Variants in AFF4 observed in about 807,000 individuals in gnomAD.
The protein encoded by AFF4 is ALF transcription elongation factor 4, also known as AF4/FMR2 family member 4.
A neutral mutation model predicts 124.8 loss-of-function variants in AFF4; 13 were observed. The observed-to-expected ratio is 0.10, with a 90% CI of 0.07 to 0.17. The LOEUF is 0.17. Among genes scored for constraint, AFF4 ranks in the 10% least tolerant of loss-of-function variants. The probability of loss-of-function intolerance (pLI) is 1.00; values close to 1 mark genes in which losing one functional copy is unlikely to be tolerated. For synonymous variants in AFF4, 477 were observed against 496.1 expected (o/e 0.96, Z 0.51); for missense variants, 1,092 against 1,403.8 (o/e 0.78, Z 3.55).
Position 132,927,110 on chromosome 5 carries a change from T to C in AFF4, c.1050+11A>G. 3 of 1,606,540 alleles carry C rather than the reference T, an allele frequency of 1.9e-6. No homozygotes were observed. The highest frequency in any genetic ancestry group is 2.6e-6 in the Non-Finnish European group (3 of 1,174,922). ...TTCTTACATTATGAAAGATACATTT[T>C]ATTTACTTACCTTAGTTGGAAAAGG... On this transcript the variant is annotated intron_variant, in intron 5 of 20. Coordinates refer to ENST00000265343, the MANE Select transcript of AFF4 (RefSeq NM_014423.4).
intron 1 of AFF4, among the ~76,000 whole-genome samples, chr5:132,961,698 T>A (rs1762085490): frequency 6.6e-6 from 1 of 152,186 alleles, no homozygotes; most frequent in South Asian, 2.1e-4. Flanking sequence ...GTAGATCATG[T>A]TCCAATTAAC....
intron 11 of AFF4, among the ~76,000 whole-genome samples, chr5:132,895,728 G>GT (rs1442867565): frequency 6.6e-6 from 1 of 152,152 alleles, no homozygotes; most frequent in African/African-American, 2.4e-5. Context: ...ACAGACATGC[G>GT]TGAGTTTTCA....
In AFF4 at chr5:132,896,545, A is replaced by T. The variant is rs1217452263; in HGVS notation, c.2085T>A (p.Pro695=). The stretch of plus-strand genomic sequence containing the variant: ...GTGAAAGAAGTTCCTTCTCTTCCAT[A>T]GGAGAGAACATTCGTTGCCGAAAAA... ...DSFFRQRMFS[P]MEEKELLSPL... is the part of the protein sequence containing the mutation. Residue 695 remains proline, a synonymous_variant, in exon 11 of 21, where the codon CCT becomes CCA. Coordinates refer to ENST00000265343, the MANE Select transcript of AFF4 (RefSeq NM_014423.4). The T allele has an allele frequency of 3.7e-6, 6 of 1,613,960 alleles. No individual in the cohort carries two copies. The African/African-American group carries it at 6.7e-5, about 18-fold the overall frequency.
At chr5:132,910,639 A>T (rs555928620) in intron 5 of AFF4, among the ~76,000 whole-genome samples, 24 of 152,014 alleles carry the variant, frequency 1.6e-4, no homozygotes, top group Admixed American at 1.4e-3. Flanking sequence ...ATCGGTAAGA[A>T]GCAACCCACC....
chr5:132,930,947 A>C lies in AFF4; in HGVS notation c.963+1231T>G, dbSNP rs1761284550. Among the ~76,000 whole-genome samples, 2 of 150,466 alleles carry C rather than the reference A, an allele frequency of 1.3e-5. 1 individual carries two copies. Among genetic ancestry groups the C allele is most frequent in the African/African-American group, 4.9e-5 (2 of 41,040 alleles). ...CCTATCTCTACTAAAAAAAAAAAAA[A>C]AAAAAAAAAATTAGCCAGGCATGGT... On this transcript the variant is annotated intron_variant, in intron 4 of 20. Coordinates refer to ENST00000265343, the MANE Select transcript of AFF4 (RefSeq NM_014423.4).
intron 5 of AFF4, among the ~76,000 whole-genome samples, chr5:132,910,689 A>T (rs1760775342): frequency 6.6e-6 from 1 of 152,198 alleles, no homozygotes; most frequent in Non-Finnish European, 1.5e-5. Flanking sequence ...TCTCACAAAC[A>T]CCAAAATCTA....
chr5:132,955,941 A>G (rs187097902), intron 1 of AFF4, among the ~76,000 whole-genome samples: 56 of 144,662 alleles, frequency 3.9e-4, no homozygotes, highest in African/African-American at 1.2e-3. Context: ...ATACTATACT[A>G]TATAGTATAG....
intron 1 of AFF4, among the ~76,000 whole-genome samples, chr5:132,938,269 CTT>C (rs780241930): frequency 1.2e-4 from 17 of 143,444 alleles, no homozygotes; most frequent in Non-Finnish European, 9.2e-5. Flanking sequence ...GTATTATACT[CTT>C]TTTTTTTTTT....
intron 19 of AFF4, among the ~76,000 whole-genome samples, 193 bp from the exon 20 acceptor site, chr5:132,883,753 T>A (rs1294289805): frequency 6.6e-6 from 1 of 152,238 alleles, no homozygotes; most frequent in Non-Finnish European, 1.5e-5. Context: ...TATCTTAGAA[T>A]CTGTAGCCTT....
At chr5:132,924,129 C>T (rs1224242344) in intron 5 of AFF4, among the ~76,000 whole-genome samples, 3 of 152,102 alleles carry the variant, frequency 2.0e-5, no homozygotes, top group Admixed American at 1.3e-4. Context: ...TGGTGCATGC[C>T]TGTAATCCCA....
chr5:132,905,649 A>AAAAAC lies in AFF4; in HGVS notation c.1051-1250_1051-1246dup, dbSNP rs554118687. On this transcript the variant is annotated intron_variant, in intron 5 of 20. Transcript: ENST00000265343. ...CTGGGCCTTTATATCACATCATATT[A>AAAAAC]AAAACAAAACAAAACAAAACAAAAA... Among the ~76,000 whole-genome samples, 836 of 152,332 alleles carry AAAAAC rather than the reference A, an allele frequency of 5.5e-3. 4 individuals carry two copies. The highest frequency in any genetic ancestry group is 0.027 in the Middle Eastern group (8 of 294).
chr5:132,912,273 T>G (rs1581295808), intron 5 of AFF4, among the ~76,000 whole-genome samples: 1 of 149,296 alleles, frequency 6.7e-6, no homozygotes, highest in Middle Eastern at 3.5e-3. Flanking sequence ...ACCAGGGAGG[T>G]GGAGGTTGCA....
intron 5 of AFF4, among the ~76,000 whole-genome samples, chr5:132,920,260 G>C (rs1761011903): frequency 1.3e-5 from 2 of 152,022 alleles, no homozygotes; most frequent in Admixed American, 1.3e-4. Context: ...ATGTTGGCCA[G>C]GCTGGTCTCG....
At chr5:132,954,186 G>A (rs1761902080) in intron 1 of AFF4, among the ~76,000 whole-genome samples, 1 of 152,186 alleles carries the variant, frequency 6.6e-6, no homozygotes. Flanking sequence ...GGATGGACAG[G>A]GGTTGCGGGG....
In AFF4 at chr5:132,889,179, CA is replaced by C. The variant is rs758066687; in HGVS notation, c.2638-7del. The C allele has an allele frequency of 1.6e-5, 25 of 1,590,672 alleles. No individual in the cohort carries two copies. Among genetic ancestry groups the C allele is most frequent in the Non-Finnish European group, 2.0e-5 (23 of 1,161,634 alleles). ...GAGCTACTTGGAGCCTTTTCCTGACCAAAAAAATATATAACTACAATGAAAA... is the reference window on the plus strand; with the variant it reads ...GAGCTACTTGGAGCCTTTTCCTGACCAAAAAATATATAACTACAATGAAAA... On this transcript the variant is annotated splice_polypyrimidine_tract_variant and splice_region_variant and intron_variant, in intron 13 of 20. Coordinates refer to ENST00000265343, the MANE Select transcript of AFF4 (RefSeq NM_014423.4).
intron 7 of AFF4, 63 bp from the exon 8 acceptor site, chr5:132,899,704 A>G: frequency 4.3e-6 from 6 of 1,400,558 alleles, no homozygotes; most frequent in Non-Finnish European, 5.9e-6. Context: ...CCAGAGTACT[A>G]AATATCTACT....
At chr5:132,956,633 GAA>G (rs745801334) in intron 1 of AFF4, among the ~76,000 whole-genome samples, 3 of 94,576 alleles carry the variant, frequency 3.2e-5, no homozygotes, top group Non-Finnish European at 2.4e-5. Flanking sequence ...CTCCATCTCA[GAA>G]AAAAAAAAAA....
chr5:132,963,187 A>C (rs1308008108), intron 1 of AFF4, 72 bp downstream of exon 1: 100 of 381,780 alleles, frequency 2.6e-4, no homozygotes, highest in Non-Finnish European at 3.7e-4. Context: ...GCGGGCCCCC[A>C]CCCCCACCCG....
At chr5:132,930,631 C>CA (rs1168803489) in intron 4 of AFF4, among the ~76,000 whole-genome samples, 1 of 149,494 alleles carries the variant, frequency 6.7e-6, no homozygotes, top group African/African-American at 2.4e-5. Flanking sequence ...TAAGTATAGA[C>CA]ACAAATTCAG....
Sources: gnomAD v4.1 joint callset for allele counts (sites outside exome capture counted in the v4.1 genomes callset) on GRCh38, gnomAD v4.1.1 for gene constraint, MANE v1.5 for transcripts, NCBI Gene and HGNC (gene_info 2026-07-23, HGNC 2026-07-21) for gene names.